Variants in CHCHD3 observed in about 807,000 individuals in gnomAD.
CHCHD3 encodes the protein MICOS complex subunit MIC19.
CHCHD3 carries 20 observed loss-of-function variants against 38.2 expected under a neutral mutation model. The ratio of observed to expected loss-of-function variants is 0.52; its 90% CI spans 0.37 to 0.76. The LOEUF is 0.76. CHCHD3 is among the 30% of genes least tolerant of loss of function. The probability of loss-of-function intolerance (pLI) is 0.00; values close to 1 mark genes in which losing one functional copy is unlikely to be tolerated. For missense variants in CHCHD3, 245 were observed against 279.2 expected (o/e 0.88, Z 0.87); for synonymous variants, 82 against 100.0 (o/e 0.82, Z 1.07).
At chr7:132,964,398 T>A (rs1378365410) in intron 4 of CHCHD3, among the ~76,000 whole-genome samples, 2 of 152,082 alleles carry the variant, frequency 1.3e-5, no homozygotes, top group African/African-American at 4.8e-5. Flanking sequence ...CTGACCAACA[T>A]GGTGAAACCC....
intron 5 of CHCHD3, among the ~76,000 whole-genome samples, chr7:132,843,124 G>A (rs989722978): frequency 2.0e-5 from 3 of 152,078 alleles, no homozygotes; most frequent in South Asian, 2.1e-4. Flanking sequence ...TGCAACCTCC[G>A]CCTCCCAGGT....
chr7:133,002,340 G>T (rs936627252), intron 3 of CHCHD3, among the ~76,000 whole-genome samples: 8 of 152,134 alleles, frequency 5.3e-5, no homozygotes, highest in Non-Finnish European at 1.0e-4. Flanking sequence ...GCCTGGAAGG[G>T]TAAATCACTG....
intron 2 of CHCHD3, among the ~76,000 whole-genome samples, chr7:133,049,552 C>T (rs1814090541): frequency 6.6e-6 from 1 of 152,172 alleles, no homozygotes; most frequent in African/African-American, 2.4e-5. Context: ...CAATACTTAA[C>T]CAATAATGCT....
chr7:133,065,358 G>A (rs948508523), intron 2 of CHCHD3, among the ~76,000 whole-genome samples: 1 of 152,120 alleles, frequency 6.6e-6, no homozygotes, highest in East Asian at 1.9e-4. Flanking sequence ...TTTCAGTAAA[G>A]TCTTCAGAGG....
chr7:132,974,034 A>G (rs1359527653), intron 4 of CHCHD3: 1 of 1,281,546 alleles, frequency 7.8e-7, no homozygotes, highest in Admixed American at 2.4e-5. Context: ...TCTATCAAAT[A>G]ACAATAAGAA....
In CHCHD3 at chr7:132,855,811, C is replaced by T. The variant is rs188476365; in HGVS notation, c.454-17342G>A. ...TAAAAGTTTTACCCCTCAACTGCAG[C>T]AAAGCAGTTCATTCATGTGGTACTG... On this transcript the variant is annotated intron_variant, in intron 5 of 7. Transcript: ENST00000262570. Among the ~76,000 whole-genome samples, 21 of 137,386 alleles carry T rather than the reference C, an allele frequency of 1.5e-4. No individual in the cohort carries two copies. The Admixed American group carries it at 1.8e-3, about 12-fold the overall frequency. 90.1% of individuals were successfully genotyped at this position (137,386 alleles called of 152,430 possible).
At chr7:133,081,375 A>G (rs1438042144) in intron 1 of CHCHD3, among the ~76,000 whole-genome samples, 1 of 142,064 alleles carries the variant, frequency 7.0e-6, no homozygotes, top group Non-Finnish European at 1.5e-5. Context: ...GGGTGTGGGG[A>G]GTGGGTGGGA....
chr7:132,814,278 G>A (rs552254245), intron 6 of CHCHD3, among the ~76,000 whole-genome samples: 3 of 152,248 alleles, frequency 2.0e-5, no homozygotes, highest in African/African-American at 7.2e-5. Flanking sequence ...TTCTGGAGGA[G>A]GCCTAGACAT....
At position 132,885,698 on chromosome 7, in the gene CHCHD3, T is replaced by C. The variant is rs534516884; in HGVS notation, c.417A>G (p.Ala139=). Residue 139 remains alanine, a synonymous_variant, in exon 5 of 8, where the codon GCA becomes GCG. Coordinates refer to ENST00000262570, the MANE Select transcript of CHCHD3 (RefSeq NM_017812.4). ...GTCTAGCCAGCTGTTCTTTGTAGAA[T>C]GCATCCTGCTTCTTTAGCACTCGGT... is the stretch of plus-strand genomic sequence containing the variant. ...EKDRVLKKQD[A]FYKEQLARLE... is the part of the protein sequence containing the mutation. 3 of 1,609,378 alleles carry C rather than the reference T, an allele frequency of 1.9e-6. No individual in the cohort carries two copies. Among genetic ancestry groups the C allele is most frequent in the Admixed American group, 1.7e-5 (1 of 59,488 alleles).
At chr7:132,889,070 T>A (rs1043975745) in intron 4 of CHCHD3, among the ~76,000 whole-genome samples, 10 of 152,102 alleles carry the variant, frequency 6.6e-5, no homozygotes, top group African/African-American at 2.4e-4. Flanking sequence ...ATATTCCATA[T>A]GTTTACACTT....
rs140155487 is a variant in CHCHD3 at position 132,826,921 on chromosome 7, T to C, written c.524+11478A>G. On this transcript the variant is annotated intron_variant, in intron 6 of 7. Transcript: ENST00000262570. ...GGAGAGTACAACAGGCAAATGTAACTTAATGGGGGGAAAAAAGACTGATTC... is the reference window on the plus strand; with the variant it reads ...GGAGAGTACAACAGGCAAATGTAACCTAATGGGGGGAAAAAAGACTGATTC... Among the ~76,000 whole-genome samples the C allele has an allele frequency of 4.6e-5, 7 of 152,266 alleles. No individual in the cohort carries two copies. In the East Asian group the frequency reaches 1.2e-3, roughly 25 times the overall value.
intron 2 of CHCHD3, among the ~76,000 whole-genome samples, chr7:133,057,872 G>T (rs1442393976): frequency 3.3e-5 from 5 of 151,950 alleles, no homozygotes; most frequent in African/African-American, 1.2e-4. Flanking sequence ...AATAAAATAT[G>T]TCAAAGGTCA....
At position 132,975,385 on chromosome 7, in the gene CHCHD3, A is replaced by C. The variant is rs1811736806; in HGVS notation, c.252-99T>G. On this transcript the variant is annotated intron_variant, in intron 3 of 7. Coordinates refer to ENST00000262570, the MANE Select transcript of CHCHD3 (RefSeq NM_017812.4). Reference sequence around the variant, plus strand: ...ATTTAAAAATAGAAACACATAGCCAAAAAGGTCAACAGCTGAAATCATCTT... The same window carrying C: ...ATTTAAAAATAGAAACACATAGCCACAAAGGTCAACAGCTGAAATCATCTT... 7 of 1,011,234 alleles carry C rather than the reference A, an allele frequency of 6.9e-6. No individual in the cohort carries two copies. The South Asian group carries it at 1.1e-4, about 16-fold the overall frequency. The allele number at this position is 1,011,234 out of a possible 1,614,324, so 62.6% of individuals were successfully genotyped here.
intron 6 of CHCHD3, among the ~76,000 whole-genome samples, chr7:132,799,534 T>C (rs551086154): frequency 3.3e-5 from 5 of 152,158 alleles, no homozygotes; most frequent in Non-Finnish European, 5.9e-5. Flanking sequence ...AAAGGACGAT[T>C]AGACAAGTTA....
chr7:132,808,146 A>T (rs1806979809), intron 6 of CHCHD3, among the ~76,000 whole-genome samples: 1 of 152,216 alleles, frequency 6.6e-6, no homozygotes, highest in Admixed American at 6.5e-5. Flanking sequence ...CTGATTTAGT[A>T]TCTCAGTAAC....
chr7:132,812,215 T>A (rs895015199), intron 6 of CHCHD3, among the ~76,000 whole-genome samples: 19 of 138,938 alleles, frequency 1.4e-4, no homozygotes, highest in Non-Finnish European at 1.9e-4. Flanking sequence ...TTTTTTTTTT[T>A]TTTTTTTTTT....
At chr7:132,814,335 G>T (rs1166546334) in intron 6 of CHCHD3, among the ~76,000 whole-genome samples, 2 of 152,182 alleles carry the variant, frequency 1.3e-5, no homozygotes, top group Non-Finnish European at 2.9e-5. Flanking sequence ...TATTCATGTT[G>T]TGAGGTCTGT....
intron 4 of CHCHD3, among the ~76,000 whole-genome samples, chr7:132,932,616 C>G (rs1810540963): frequency 6.6e-6 from 1 of 152,196 alleles, no homozygotes; most frequent in South Asian, 2.1e-4. Flanking sequence ...GCACACAGGG[C>G]CTTCACGTCA....
intron 2 of CHCHD3, among the ~76,000 whole-genome samples, chr7:133,027,281 T>C (rs1376595081): frequency 6.6e-6 from 1 of 151,966 alleles, no homozygotes; most frequent in Admixed American, 6.6e-5. Flanking sequence ...TGCACAACTC[T>C]ATAAATATAC....
Sources: allele counts gnomAD v4.1 joint callset (sites outside exome capture counted in the v4.1 genomes callset), GRCh38; gene constraint gnomAD v4.1.1; transcripts MANE v1.5; gene names NCBI Gene and HGNC (gene_info 2026-07-23, HGNC 2026-07-21).